Variants in PDE1C observed in about 807,000 individuals in gnomAD.
PDE1C encodes the protein dual specificity calcium/calmodulin-dependent 3',5'-cyclic nucleotide phosphodiesterase 1C.
PDE1C carries 62 observed loss-of-function variants against 93.1 expected under a neutral mutation model. That is an observed-to-expected ratio of 0.67 (90% CI 0.54 to 0.82). The LOEUF (loss-of-function observed/expected upper bound fraction) is 0.82. PDE1C is among the 40% of genes least tolerant of loss of function. The pLI is 0.00. For missense variants in PDE1C, 742 were observed against 884.6 expected, an observed-to-expected ratio of 0.84 and a Z score of 2.04; for synonymous variants, 325 against 310.1, an observed-to-expected ratio of 1.05 and a Z score of -0.50.
Position 32,070,159 on chromosome 7 carries a change from A to C in PDE1C, c.101+134T>G, listed in dbSNP as rs1795860684. Reference sequence around the variant, plus strand: ...TAGCAGTGACTGTAATTAACAGAGCAGCAGTTGTGGAACTTCTAGGGTTGT... The same window carrying C: ...TAGCAGTGACTGTAATTAACAGAGCCGCAGTTGTGGAACTTCTAGGGTTGT... On this transcript the variant is annotated intron_variant, in intron 1 of 17. Coordinates refer to ENST00000396191, the MANE Select transcript of PDE1C (RefSeq NM_001191057.4). 45 of 1,442,936 alleles carry C rather than the reference A, an allele frequency of 3.1e-5. No homozygotes were observed. In the South Asian group the frequency reaches 5.9e-4, roughly 19 times the overall value. The allele number at this position is 1,442,936 out of a possible 1,614,324, so 89.4% of individuals were successfully genotyped here. A position where few individuals can be genotyped will look rare whatever the true frequency, so the allele number is the denominator to read the frequency against.
intron 1 of PDE1C, among the ~76,000 whole-genome samples, chr7:32,389,195 T>G (rs2015472): frequency 1.8e-3 from 221 of 120,394 alleles, no homozygotes; most frequent in African/African-American, 6.1e-3. Context: ...TGTGTGGTTT[T>G]TTTGGTTTTT....
At chr7:31,732,467 G>A in the PDE1C span, among the ~76,000 whole-genome samples, 6 of 152,136 alleles carry the variant, frequency 3.9e-5, no homozygotes, top group African/African-American at 7.2e-5. Context: ...TCTTAAGAGC[G>A]AAGACTGAGG....
At chr7:32,088,031 A>T (rs200226493) in intron 3 of PDE1C, among the ~76,000 whole-genome samples, 1 of 96,250 alleles carries the variant, frequency 1.0e-5, no homozygotes, top group Non-Finnish European at 2.2e-5. Context: ...AAAAAATAAA[A>T]AAAAGAAAAT....
chr7:32,186,260 G>A (rs962300990), intron 2 of PDE1C, among the ~76,000 whole-genome samples: 11 of 151,722 alleles, frequency 7.3e-5, no homozygotes, highest in East Asian at 3.9e-4. Context: ...CCGCCACCGC[G>A]CCCGGCTAAT....
chr7:32,290,285 C>A (rs762095580), intron 1 of PDE1C, among the ~76,000 whole-genome samples: 9 of 152,192 alleles, frequency 5.9e-5, no homozygotes, highest in Non-Finnish European at 1.2e-4. Context: ...TGCAGCCGTG[C>A]CAGAATGCTA....
intron 3 of PDE1C, among the ~76,000 whole-genome samples, chr7:32,132,094 G>T (rs898778806): frequency 6.6e-6 from 1 of 152,080 alleles, no homozygotes. Flanking sequence ...TGACAAGAAG[G>T]AGCCAGCATA....
At chr7:32,322,443 G>A (rs1170661105) in intron 1 of PDE1C, among the ~76,000 whole-genome samples, 3 of 151,896 alleles carry the variant, frequency 2.0e-5, no homozygotes, top group African/African-American at 4.8e-5. Flanking sequence ...CTCTACACAC[G>A]TAAAAAAGAA....
intron 3 of PDE1C, among the ~76,000 whole-genome samples, chr7:32,123,284 C>T (rs1313272482): frequency 6.6e-6 from 1 of 152,034 alleles, no homozygotes; most frequent in African/African-American, 2.4e-5. Context: ...AGCAGAGGTA[C>T]AAAAAGGAGC....
the PDE1C span, among the ~76,000 whole-genome samples, chr7:31,645,613 C>A: frequency 6.6e-6 from 1 of 152,134 alleles, no homozygotes; most frequent in Non-Finnish European, 1.5e-5. Flanking sequence ...CCACCCACCA[C>A]CACCATCATC....
chr7:31,918,018 C>T (rs948840285), intron 2 of PDE1C, among the ~76,000 whole-genome samples: 6 of 152,114 alleles, frequency 3.9e-5, no homozygotes, highest in African/African-American at 1.4e-4. Flanking sequence ...GAAGGCCATT[C>T]CAGTACTAAG....
intron 2 of PDE1C, among the ~76,000 whole-genome samples, chr7:31,980,449 A>G (rs1336768903): frequency 6.6e-6 from 1 of 152,170 alleles, no homozygotes; most frequent in Non-Finnish European, 1.5e-5. Flanking sequence ...TTGAATTCCA[A>G]GGGCTTCAGT....
intron 2 of PDE1C, among the ~76,000 whole-genome samples, chr7:32,034,016 G>A (rs191553545): frequency 3.3e-5 from 5 of 151,500 alleles, no homozygotes; most frequent in Admixed American, 3.3e-4. Flanking sequence ...AAATAGAATA[G>A]GAAAATTAGA....
At chr7:32,193,880 G>C (rs1195907089) in intron 2 of PDE1C, among the ~76,000 whole-genome samples, 1 of 149,436 alleles carries the variant, frequency 6.7e-6, no homozygotes, top group African/African-American at 2.5e-5. Context: ...GATGAGTTTT[G>C]GTAGTTTATG....
chr7:32,058,660 C>T (rs1352192301), intron 1 of PDE1C, among the ~76,000 whole-genome samples: 3 of 152,184 alleles, frequency 2.0e-5, no homozygotes, highest in African/African-American at 7.2e-5. Flanking sequence ...ATTTCATTTC[C>T]ATGATGCATG....
intron 1 of PDE1C, among the ~76,000 whole-genome samples, chr7:32,239,949 T>C (rs1808417614): frequency 6.6e-6 from 1 of 152,244 alleles, no homozygotes; most frequent in Non-Finnish European, 1.5e-5. Context: ...AGCATCTCTC[T>C]TTCCTTTTGT....
At chr7:32,420,126 C>T (rs10268573) in intron 1 of PDE1C, among the ~76,000 whole-genome samples, 1,764 of 6,712 alleles carry the variant, frequency 0.26, 174 homozygotes, top group Non-Finnish European at 0.29. Flanking sequence ...TATATATATA[C>T]ACACACACAC....
intron 1 of PDE1C, among the ~76,000 whole-genome samples, chr7:32,061,350 A>G (rs1225992176): frequency 6.6e-6 from 1 of 152,260 alleles, no homozygotes; most frequent in African/African-American, 2.4e-5. Context: ...GAGAAAGGGC[A>G]TGAATGGGCA....
chr7:32,020,910 T>C (rs965557343), intron 2 of PDE1C, among the ~76,000 whole-genome samples: 4 of 152,192 alleles, frequency 2.6e-5, no homozygotes, highest in Admixed American at 2.6e-4. Flanking sequence ...TAACACTCTT[T>C]TGACCTGTGA....
intron 1 of PDE1C, among the ~76,000 whole-genome samples, chr7:32,295,787 C>T (rs779616314): frequency 1.5e-4 from 22 of 151,158 alleles, no homozygotes; most frequent in Admixed American, 4.0e-4. Context: ...CCAGCTACTC[C>T]GGAGGCTGAG....
Sources: allele counts gnomAD v4.1 joint callset (sites outside exome capture counted in the v4.1 genomes callset), GRCh38; gene constraint gnomAD v4.1.1; transcripts MANE v1.5; gene names NCBI Gene and HGNC (gene_info 2026-07-23, HGNC 2026-07-21).